ECM2: variants seen among roughly 807,000 people sequenced by gnomAD.
ECM2 encodes extracellular matrix protein 2.
In ECM2, 57 loss-of-function variants were observed where a neutral mutation model predicts 67.5. The ratio of observed to expected loss-of-function variants is 0.84; its 90% confidence interval spans 0.68 to 1.05. The LOEUF (loss-of-function observed/expected upper bound fraction) is 1.05. ECM2 is among the 50% of genes least tolerant of loss of function. The pLI is 0.00. For synonymous variants in ECM2, 258 were observed against 294.5 expected, an observed-to-expected ratio of 0.88 and a Z score of 1.27; for missense variants, 741 against 822.8, an observed-to-expected ratio of 0.90 and a Z score of 1.22.
intron 6 of ECM2, among the ~76,000 whole-genome samples, chr9:92,509,663 G>A (rs1049873818): frequency 7.2e-5 from 11 of 152,248 alleles, no homozygotes; most frequent in Non-Finnish European, 1.6e-4. Context: ...ATAAGAACCT[G>A]GAATCATTGA....
At chr9:92,552,026 CTATCATATATGTGATATTATAGGT>C in the ECM2 span, among the ~76,000 whole-genome samples, 126 of 88,810 alleles carry the variant, frequency 1.4e-3, 4 homozygotes, top group African/African-American at 1.7e-3. Flanking sequence ...TATGATAGAT[CTATCATATATGTGATATTATAGGT>C]CTATCATATA....
chr9:92,514,759 G>A lies in ECM2; in HGVS notation c.926C>T (p.Pro309Leu). ...RMPSRSPLPA[P>L]PRGTLRLPSG... ...TGGCAGGCGCAGTGTGCCTCTGGGA[G>A]GAGCAGGAAGCGGGGATCGAGAGGG... Residue 309 changes from proline (P) to leucine (L), a missense_variant, in exon 4 of 10, where the codon CCT (proline) becomes CTT (leucine). Pro to Leu is a moderately conservative substitution (Grantham distance 98). Coordinates refer to ENST00000344604, the MANE Select transcript of ECM2 (RefSeq NM_001393.4). 4.3e-6 allele frequency: 7 copies of A among 1,614,090 alleles called. No homozygotes were observed. The highest frequency in any genetic ancestry group is 5.1e-6 in the Non-Finnish European group (6 of 1,180,002).
At chr9:92,506,423 A>G (rs1429885692) in intron 6 of ECM2, among the ~76,000 whole-genome samples, 2 of 152,216 alleles carry the variant, frequency 1.3e-5, no homozygotes, top group African/African-American at 2.4e-5. Context: ...CAGGAGTGGT[A>G]TGATCCAGGT....
intron 2 of ECM2, among the ~76,000 whole-genome samples, chr9:92,518,167 A>G (rs937850827): frequency 6.6e-6 from 1 of 152,152 alleles, no homozygotes; most frequent in African/African-American, 2.4e-5. Flanking sequence ...ATTATACAAC[A>G]TCAACAAACA....
intron 7 of ECM2, among the ~76,000 whole-genome samples, chr9:92,505,332 G>C (rs1343458277): frequency 6.6e-6 from 1 of 151,946 alleles, no homozygotes; most frequent in African/African-American, 2.4e-5. Context: ...ACTGTATCAG[G>C]TGTCTCTACT....
downstream of ECM2, chr9:92,494,103 C>T (rs984147053): frequency 6.3e-7 from 1 of 1,597,912 alleles, no homozygotes; most frequent in Middle Eastern, 1.7e-4. Flanking sequence ...GGAAAGGCCA[C>T]ATCTGATCTG....
chr9:92,517,966 C>G (rs897403585), intron 2 of ECM2, 91 bp from the exon 3 acceptor site: 26 of 1,432,406 alleles, frequency 1.8e-5, no homozygotes, highest in Non-Finnish European at 2.0e-5. Context: ...TCAAACTGCT[C>G]TAACCACACA....
rs1846346246 is a variant in ECM2 at position 92,496,397 on chromosome 9, TTAATA to T, written c.2013_2017del (p.Tyr671Ter). On this transcript the variant is annotated stop_gained and frameshift_variant, in exon 10 of 10. Coordinates refer to ENST00000344604, the MANE Select transcript of ECM2 (RefSeq NM_001393.4). LOFTEE classifies it high-confidence loss of function. ...TGTGTAAGATGGTATTTCTCTAATT[TTAATA>T]TAATTGTTTTCAAGATGAAGATGTT... 6.2e-7 allele frequency: 1 copy of T among 1,610,778 alleles called. No individual in the cohort carries two copies. The highest frequency in any genetic ancestry group is 8.5e-7 in the Non-Finnish European group (1 of 1,178,782).
the ECM2 span, among the ~76,000 whole-genome samples, chr9:92,544,456 A>G: frequency 3.3e-5 from 5 of 152,250 alleles, no homozygotes; most frequent in Admixed American, 1.3e-4. Context: ...AGCCTGGGCA[A>G]CAGAGCAAGA....
chr9:92,533,328 A>AAAAAAAAATATATATAT (rs1554683138), intron 1 of ECM2, among the ~76,000 whole-genome samples: 3 of 38,334 alleles, frequency 7.8e-5, no homozygotes, highest in African/African-American at 1.5e-4. Flanking sequence ...AAAAAAAAAA[A>AAAAAAAAATATATATAT]ATATATATAT....
At position 92,517,715 on chromosome 9, in the gene ECM2, C is replaced by G. The variant is rs1464926344; in HGVS notation, c.453G>C (p.Gly151=). 6.2e-7 allele frequency: 1 copy of G among 1,614,102 alleles called. No individual in the cohort carries two copies. The highest frequency in any genetic ancestry group is 8.5e-7 in the Non-Finnish European group (1 of 1,180,004). The change falls in exon 3 of 10, where the codon GGG becomes GGC. Residue 151 remains glycine (G), a synonymous_variant. Transcript: ENST00000344604. The part of the protein sequence containing the change: ...QRCPQTVIPE[G]ECCPVCSATV... ...TAGCGGAGCAGACCGGGCAGCATTC[C>G]CCTTCAGGTATAACTGTTTGGGGGC...
At chr9:92,532,353 C>T (rs890554197) in intron 1 of ECM2, among the ~76,000 whole-genome samples, 5 of 152,018 alleles carry the variant, frequency 3.3e-5, no homozygotes, top group South Asian at 4.1e-4. Flanking sequence ...CTATTTGGCA[C>T]TTCTTGAATT....
At chr9:92,542,660 G>T in the ECM2 span, among the ~76,000 whole-genome samples, 1 of 152,216 alleles carries the variant, frequency 6.6e-6, no homozygotes, top group South Asian at 2.1e-4. Context: ...GGGACTACAG[G>T]CATGCACCAC....
chr9:92,532,039 T>TTTTTTTTTTTTTTTC (rs1848826400), intron 1 of ECM2, among the ~76,000 whole-genome samples: 1 of 141,098 alleles, frequency 7.1e-6, no homozygotes, highest in Admixed American at 6.9e-5. Flanking sequence ...ATTTTATTTT[T>TTTTTTTTTTTTTTTC]TTTTTGAGAT....
chr9:92,496,822 C>T (rs1490931439), intron 9 of ECM2, among the ~76,000 whole-genome samples: 3 of 152,094 alleles, frequency 2.0e-5, no homozygotes, highest in South Asian at 2.1e-4. Context: ...TAACTTATAT[C>T]GCAGATACAA....
At chr9:92,529,871 C>T (rs997791509) in intron 1 of ECM2, among the ~76,000 whole-genome samples, 1 of 152,122 alleles carries the variant, frequency 6.6e-6, no homozygotes, top group Admixed American at 6.5e-5. Flanking sequence ...ATAGTCAGCC[C>T]TTTATATCAC....
chr9:92,526,567 G>C (rs1165173204), intron 1 of ECM2, among the ~76,000 whole-genome samples: 2 of 150,334 alleles, frequency 1.3e-5, no homozygotes, highest in Non-Finnish European at 3.0e-5. Context: ...TGGAAAAAAA[G>C]AAATAATAAA....
chr9:92,514,857 C>A lies in ECM2; in HGVS notation c.828G>T (p.Glu276Asp). The change falls in exon 4 of 10, where the codon GAG (glutamate) becomes GAT (aspartate). Residue 276 changes from glutamate (E) to aspartate (D), a missense_variant. By Grantham distance (45) the Glu-to-Asp change is conservative (BLOSUM62 2). Coordinates refer to ENST00000344604, the MANE Select transcript of ECM2 (RefSeq NM_001393.4). ...RQGREEEEDE[E>D]EEGEEGEEDE... ...CCTCCTCACCCTCCTCACCCTCCTC[C>A]TCCTCATCCTCCTCCTCCTCCCTTC... is the stretch of plus-strand genomic sequence containing the variant. 6.2e-7 allele frequency: 1 copy of A among 1,612,394 alleles called. No individual in the cohort carries two copies. Among genetic ancestry groups the A allele is most frequent in the South Asian group, 1.1e-5 (1 of 90,716 alleles).
At chr9:92,551,993 GATATATATGTGT>G in the ECM2 span, among the ~76,000 whole-genome samples, 1 of 127,484 alleles carries the variant, frequency 7.8e-6, no homozygotes, top group Non-Finnish European at 1.7e-5. Flanking sequence ...GTATATATGT[GATATATATGTGT>G]ATATATATGA....
Sources: allele counts gnomAD v4.1 joint callset (sites outside exome capture counted in the v4.1 genomes callset), GRCh38; gene constraint gnomAD v4.1.1; transcripts MANE v1.5; gene names NCBI Gene and HGNC (gene_info 2026-07-23, HGNC 2026-07-21).